EPB41L2: variants seen among roughly 807,000 people sequenced by gnomAD.
EPB41L2 encodes the protein band 4.1-like protein 2.
In EPB41L2, 43 loss-of-function variants were observed where a neutral mutation model predicts 113.0. The ratio of observed to expected loss-of-function variants is 0.38; its 90% CI spans 0.30 to 0.49. The LOEUF is 0.49. Ranked by LOEUF, EPB41L2 falls within the 20% of genes least tolerant of loss-of-function variation. The probability of loss-of-function intolerance (pLI) is 0.95; values close to 1 mark genes in which losing one functional copy is unlikely to be tolerated. For missense variants in EPB41L2, 1,147 were observed against 1,223.4 expected (o/e 0.94, Z 0.93); for synonymous variants, 442 against 436.7 (o/e 1.01, Z -0.15).
intron 1 of EPB41L2, among the ~76,000 whole-genome samples, chr6:131,058,072 CT>C (rs1315372912): frequency 6.6e-6 from 1 of 152,176 alleles, no homozygotes; most frequent in Non-Finnish European, 1.5e-5. Flanking sequence ...AATCTATGTA[CT>C]TTTTGACTTT....
chr6:130,880,472 C>G (rs1788960727), intron 12 of EPB41L2: 2 of 656,568 alleles, frequency 3.0e-6, no homozygotes, highest in Non-Finnish European at 5.4e-6. Flanking sequence ...GCTGCGTTTC[C>G]TCTTCTTCCA....
chr6:130,872,357 A>T (rs1786017741), intron 14 of EPB41L2: 20 of 1,277,836 alleles, frequency 1.6e-5, no homozygotes, highest in Non-Finnish European at 2.0e-5. Flanking sequence ...CAGGGGAAAC[A>T]AAGTAAAATG....
intron 1 of EPB41L2, among the ~76,000 whole-genome samples, chr6:131,045,841 A>G (rs555583617): frequency 3.3e-4 from 50 of 152,294 alleles, no homozygotes; most frequent in African/African-American, 1.2e-3. Flanking sequence ...TTTCAGTAAC[A>G]AAAACCACAA....
At position 130,905,473 on chromosome 6, in the gene EPB41L2, C is replaced by T. The variant is rs1053348035; in HGVS notation, c.854-933G>A. Among the ~76,000 whole-genome samples the T allele has an allele frequency of 6.6e-5, 10 of 151,026 alleles. 1 individual carries two copies. The highest frequency in any genetic ancestry group is 6.6e-4 in the Admixed American group (10 of 15,156). On this transcript the variant is annotated intron_variant, in intron 5 of 19. Transcript: ENST00000337057. ...TCACTCTGTCGCCCAGGTTGCAGTG[C>T]CGTGGCATGATCATGGCTCACTGCA...
intron 5 of EPB41L2, among the ~76,000 whole-genome samples, chr6:130,906,955 A>C (rs1214491118): frequency 2.6e-5 from 4 of 152,240 alleles, no homozygotes; most frequent in African/African-American, 9.6e-5. Context: ...CACAAGGGTA[A>C]AAGTTCTGAA....
Position 130,871,751 on chromosome 6 carries a change from A to C in EPB41L2, c.2044-1625T>G, listed in dbSNP as rs150982438. Among the ~76,000 whole-genome samples the C allele has an allele frequency of 9.8e-5, 15 of 152,320 alleles. No homozygotes were observed. The East Asian group carries it at 2.9e-3, about 29-fold the overall frequency. On this transcript the variant is annotated intron_variant, in intron 14 of 19. Coordinates refer to ENST00000337057, the MANE Select transcript of EPB41L2 (RefSeq NM_001431.4). ...GGTTTCTAGATATTAAACTGAAAAA[A>C]CTCTCAATCTATTTTGATAAGCAGG... is the stretch of plus-strand genomic sequence containing the variant.
chr6:131,048,654 G>A (rs752500303), intron 1 of EPB41L2, among the ~76,000 whole-genome samples: 55 of 152,286 alleles, frequency 3.6e-4, no homozygotes, highest in Middle Eastern at 3.4e-3. Flanking sequence ...GGGAAATACA[G>A]ATGAAACAAG....
chr6:130,975,065 T>C (rs912745979), intron 1 of EPB41L2, among the ~76,000 whole-genome samples: 6 of 152,198 alleles, frequency 3.9e-5, no homozygotes, highest in African/African-American at 1.4e-4. Flanking sequence ...GATGGGTTAT[T>C]AGCAGAGAAG....
Position 130,885,155 on chromosome 6 carries a change from C to T in EPB41L2, c.1774G>A (p.Gly592Ser), listed in dbSNP as rs776824214. 33 of 1,614,016 alleles carry T rather than the reference C, an allele frequency of 2.0e-5. No homozygotes were observed. The Admixed American group carries it at 3.7e-4, about 18-fold the overall frequency. The change falls in exon 12 of 20, where the codon GGC becomes AGC. Residue 592 changes from glycine (G) to serine (S), a missense_variant. Coordinates refer to ENST00000337057, the MANE Select transcript of EPB41L2 (RefSeq NM_001431.4). ...GTTGGGCTTCTCACTTCCCTCCTGC[C>T]GTCCCCATCTTGTACCACGGCAATG... ...VSIAVVQDGD[G>S]RREVRSPTKA...
chr6:131,004,711 G>T (rs905737294), intron 1 of EPB41L2, among the ~76,000 whole-genome samples: 2 of 151,992 alleles, frequency 1.3e-5, no homozygotes, highest in Non-Finnish European at 2.9e-5. Flanking sequence ...AAGGAGATGG[G>T]GTGTGAACTC....
chr6:130,905,155 T>C (rs778541869), intron 5 of EPB41L2, among the ~76,000 whole-genome samples: 11 of 152,168 alleles, frequency 7.2e-5, no homozygotes, highest in Non-Finnish European at 1.2e-4. Flanking sequence ...CTTGGCTGTA[T>C]TGTGCCATAA....
intron 6 of EPB41L2, among the ~76,000 whole-genome samples, chr6:130,904,018 G>A (rs996587309): frequency 1.3e-5 from 2 of 152,180 alleles, no homozygotes; most frequent in African/African-American, 4.8e-5. Flanking sequence ...GTTTGGTTCT[G>A]GAGGGAGAAG....
intron 1 of EPB41L2, among the ~76,000 whole-genome samples, chr6:130,967,232 G>GTTAT (rs1407420896): frequency 1.3e-5 from 2 of 152,032 alleles, no homozygotes; most frequent in Non-Finnish European, 2.9e-5. Flanking sequence ...TACAAACACA[G>GTTAT]TTATTTTCAA....
At chr6:130,989,606 T>C (rs1781365317) in intron 1 of EPB41L2, among the ~76,000 whole-genome samples, 1 of 152,174 alleles carries the variant, frequency 6.6e-6, no homozygotes, top group Admixed American at 6.5e-5. Flanking sequence ...TGAAGATAAT[T>C]TTTCTTAAGT....
rs187187117 is a variant in EPB41L2, at chr6:130,841,814, G to A, written c.*6-1216C>T. 5.3e-5 allele frequency among the ~76,000 whole-genome samples: 8 copies of A among 152,314 alleles called. No individual in the cohort carries two copies. In the East Asian group the frequency reaches 1.5e-3, roughly 29 times the overall value. ...TTGGGCATCAGAACAAGGGATAAGT[G>A]AAACCAACAGATAGAACTAAGTCTC... On this transcript the variant is annotated intron_variant, in intron 19 of 19. Coordinates refer to ENST00000337057, the MANE Select transcript of EPB41L2 (RefSeq NM_001431.4).
At chr6:130,912,728 GCC>G (rs1799804032) in intron 4 of EPB41L2, among the ~76,000 whole-genome samples, 1 of 152,092 alleles carries the variant, frequency 6.6e-6, no homozygotes, top group Admixed American at 6.5e-5. Flanking sequence ...CTCACAAATG[GCC>G]AGCCTCGATA....
At chr6:130,898,765 TTG>T (rs1795399122) in intron 8 of EPB41L2, among the ~76,000 whole-genome samples, 1 of 152,174 alleles carries the variant, frequency 6.6e-6, no homozygotes. Context: ...TGAACTTCTG[TTG>T]TGTTTTATGT....
intron 14 of EPB41L2, chr6:130,876,717 G>C: frequency 7.7e-7 from 1 of 1,304,056 alleles, no homozygotes. Flanking sequence ...CCATATTGTC[G>C]GCATCAGGTA....
At chr6:131,017,403 T>C (rs1788481117) in intron 1 of EPB41L2, among the ~76,000 whole-genome samples, 1 of 152,188 alleles carries the variant, frequency 6.6e-6, no homozygotes, top group African/African-American at 2.4e-5. Context: ...CATCTCTCAA[T>C]GGATGATAAC....
Sources: allele counts gnomAD v4.1 joint callset (sites outside exome capture counted in the v4.1 genomes callset), GRCh38; gene constraint gnomAD v4.1.1; transcripts MANE v1.5; gene names NCBI Gene and HGNC (gene_info 2026-07-23, HGNC 2026-07-21).